PLK4: variants seen among roughly 807,000 people sequenced by gnomAD.
PLK4 encodes polo like kinase 4.
PLK4 carries 51 observed loss-of-function variants against 103.0 expected under a neutral mutation model. The observed-to-expected ratio is 0.50, with a 90% CI of 0.40 to 0.63. The LOEUF is 0.63. PLK4 is among the 20% of genes least tolerant of loss of function. PLK4 has a pLI of 0.00. For missense variants in PLK4, 1,054 were observed against 1,151.0 expected (o/e 0.92, Z 1.22); for synonymous variants, 389 against 376.8 (o/e 1.03, Z -0.38).
In PLK4 at chr4:127,890,221, A is replaced by G. The variant is rs770830135; in HGVS notation, c.1815A>G (p.Lys605=). Residue 605 remains lysine (K), a synonymous_variant, in exon 7 of 16, where the codon AAA becomes AAG. Transcript: ENST00000270861. ...ACAGGTTAAAACCAATCAGACAGAA[A>G]ACCAAAAAGGCTGTGGTATGTCTGT... The part of the protein sequence containing the change: ...VAHRLKPIRQ[K]TKKAVVSILD... 6.3e-7 allele frequency: 1 copy of G among 1,599,402 alleles called. No individual in the cohort carries two copies. The highest frequency in any genetic ancestry group is 1.1e-5 in the South Asian group (1 of 89,432).
chr4:127,891,652 TC>T lies in PLK4; in HGVS notation c.2010del (p.Ser671ValfsTer26). On this transcript the variant is annotated frameshift_variant, in exon 9 of 16. Transcript: ENST00000270861. LOFTEE classifies it high-confidence loss of function. ...AGACCACCCTCACCTACTGACAACA[TC>T]AGTAGGTACAGCTTTGACAATTTAC... Reference protein sequence around the residue: ...ADRPPSPTDNISRYSFDNLPE... With the variant: ...ADRPPSPTDNXSRYSFDNLPE... The T allele has an allele frequency of 1.3e-6, 2 of 1,532,168 alleles. No individual in the cohort carries two copies. The highest frequency in any genetic ancestry group is 1.8e-6 in the Non-Finnish European group (2 of 1,128,540). 94.9% of individuals were successfully genotyped at this position (1,532,168 alleles called of 1,614,324 possible).
Position 127,887,416 on chromosome 4 carries a change from GA to G in PLK4, c.1384del (p.Thr462LeufsTer24). ...TTTAGCTCCAATCATCTTTGTCCAG[GA>G]AAAACTCCTTTTCCATTTGCAGACC... is the stretch of plus-strand genomic sequence containing the variant. ...NQALSNHLCP[G>X]KTPFPFADPT... On this transcript the variant is annotated frameshift_variant, in exon 6 of 16. Transcript: ENST00000270861. LOFTEE classifies it high-confidence loss of function. 1.2e-6 allele frequency: 2 copies of G among 1,609,404 alleles called. No individual in the cohort carries two copies. Among genetic ancestry groups the G allele is most frequent in the South Asian group, 1.1e-5 (1 of 90,564 alleles).
At chr4:127,897,322 AC>A (rs1344712784) in intron 15 of PLK4, among the ~76,000 whole-genome samples, 1 of 152,200 alleles carries the variant, frequency 6.6e-6, no homozygotes. Context: ...ATCTAATGTA[AC>A]GTGATTAATG....
intron 15 of PLK4, 90 bp from the exon 16 acceptor site, chr4:127,898,349 T>C: frequency 1.5e-6 from 1 of 663,702 alleles, no homozygotes; most frequent in Non-Finnish European, 2.7e-6. Flanking sequence ...ATTGAAGAAT[T>C]ACTGAAAAAT....
intron 2 of PLK4, among the ~76,000 whole-genome samples, chr4:127,882,454 A>C (rs1734966252): frequency 6.6e-6 from 1 of 152,046 alleles, no homozygotes. Context: ...CCTCCTCTCT[A>C]CCAAAAATAC....
chr4:127,895,452 C>CTTTTTTTTTTTTTTTTTTTTT lies in PLK4; in HGVS notation c.2703+367_2703+387dup, dbSNP rs70966059. 4.6e-5 allele frequency among the ~76,000 whole-genome samples: 3 copies of CTTTTTTTTTTTTTTTTTTTTT among 65,204 alleles called. 1 individual carries two copies. The highest frequency in any genetic ancestry group is 2.0e-4 in the African/African-American group (3 of 15,062). The allele number at this position is 65,204 out of a possible 152,430, so 42.8% of individuals were successfully genotyped here. On this transcript the variant is annotated intron_variant, in intron 14 of 15. Transcript: ENST00000270861. ...TAATCAATATTAGTAGAGTAACTTTCTTTTTTTTTTTTTTTTTTTTTTTTT... is the reference window on the plus strand; with the variant it reads ...TAATCAATATTAGTAGAGTAACTTTCTTTTTTTTTTTTTTTTTTTTTTTTTTTTTTTTTTTTTTTTTTTTTT...
intron 4 of PLK4, 69 bp from the exon 5 acceptor site, chr4:127,885,639 A>G: frequency 1.7e-6 from 2 of 1,200,002 alleles, no homozygotes; most frequent in Non-Finnish European, 2.4e-6. Context: ...CATAATGTAT[A>G]CTAAATACTA....
Position 127,891,100 on chromosome 4 carries a change from A to G in PLK4, c.1839A>G (p.Ile613Met). 1.3e-6 allele frequency: 2 copies of G among 1,555,268 alleles called. No homozygotes were observed. Among genetic ancestry groups the G allele is most frequent in the South Asian group, 1.2e-5 (1 of 82,736 alleles). The change falls in exon 8 of 16, where the codon ATA becomes ATG. Residue 613 changes from isoleucine (I) to methionine (M), a missense_variant. Around this residue, in one of 4 missense-constraint regions of PLK4, gnomAD observed 680 missense variants for 660.3 expected, o/e 1.03. Transcript: ENST00000270861. The part of the protein sequence containing the change: ...RQKTKKAVVS[I>M]LDSEEVCVEL... ...GTTTTTTTTTTTTTTAGGTGAGCAT[A>G]CTTGATTCAGAGGAGGTGTGTGTGG...
intron 14 of PLK4, among the ~76,000 whole-genome samples, chr4:127,896,442 T>G (rs975351733): frequency 6.6e-6 from 1 of 152,134 alleles, no homozygotes; most frequent in African/African-American, 2.4e-5. Context: ...AATCTCTTCT[T>G]GTTAAGAAAT....
intron 15 of PLK4, 74 bp from the exon 16 acceptor site, chr4:127,898,365 G>A (rs1028218253): frequency 5.6e-6 from 4 of 712,822 alleles, no homozygotes; most frequent in Non-Finnish European, 1.0e-5. Flanking sequence ...AAAATATAAT[G>A]TGCTTTTTGG....
chr4:127,885,478 CAAAAAAAAAAAA>C (rs397878802), intron 4 of PLK4, among the ~76,000 whole-genome samples: 2 of 49,808 alleles, frequency 4.0e-5, no homozygotes, highest in East Asian at 4.9e-4. Flanking sequence ...GACTCCGTCT[CAAAAAAAAAAAA>C]AAAAAAAAAG....
intron 9 of PLK4, 48 bp downstream of exon 9, chr4:127,891,729 A>G (rs1010181109): frequency 1.5e-6 from 1 of 661,838 alleles, no homozygotes; most frequent in Non-Finnish European, 2.5e-6. Context: ...ATTTATATGT[A>G]TATACGTATA....
chr4:127,895,298 A>G (rs2148824409), intron 14 of PLK4, among the ~76,000 whole-genome samples: 1 of 152,228 alleles, frequency 6.6e-6, no homozygotes, highest in Admixed American at 6.5e-5. Context: ...CATTGCTGAT[A>G]AGAGGTTGCC....
rs770317332 is a variant in PLK4 at position 127,887,386 on chromosome 4, G to GT, written c.1359-7dup. On this transcript the variant is annotated splice_polypyrimidine_tract_variant and intron_variant, in intron 5 of 15. Transcript: ENST00000270861. ...ATTAGTTTATGGGATTTTTTTGTTTGTTTGTTTAGCTCCAATCATCTTTGT... is the reference window on the plus strand; with the variant it reads ...ATTAGTTTATGGGATTTTTTTGTTTGTTTTGTTTAGCTCCAATCATCTTTGT... 9.1e-6 allele frequency: 14 copies of GT among 1,544,498 alleles called. No homozygotes were observed. Among genetic ancestry groups the GT allele is most frequent in the Non-Finnish European group, 1.2e-5 (13 of 1,128,556 alleles).
chr4:127,890,250 C>T lies in PLK4; in HGVS notation c.1830+14C>T. Reference sequence around the variant, plus strand: ...AAAAAGGCTGTGGTATGTCTGTTATCTTCTTAAGTTACTAAATAACATTTT... The same window carrying T: ...AAAAAGGCTGTGGTATGTCTGTTATTTTCTTAAGTTACTAAATAACATTTT... On this transcript the variant is annotated intron_variant, in intron 7 of 15. Coordinates refer to ENST00000270861, the MANE Select transcript of PLK4 (RefSeq NM_014264.5). The T allele has an allele frequency of 6.4e-7, 1 of 1,559,038 alleles. No individual in the cohort carries two copies. Among genetic ancestry groups the T allele is most frequent in the Non-Finnish European group, 8.7e-7 (1 of 1,153,522 alleles).
intron 6 of PLK4, among the ~76,000 whole-genome samples, chr4:127,888,223 T>G: frequency 8.2e-6 from 1 of 122,660 alleles, no homozygotes; most frequent in African/African-American, 2.9e-5. Flanking sequence ...GCATTTTCAG[T>G]ACGTCTCAAT....
intron 12 of PLK4, 33 bp from the exon 13 acceptor site, chr4:127,893,701 T>C: frequency 6.3e-7 from 1 of 1,599,212 alleles, no homozygotes; most frequent in Non-Finnish European, 8.5e-7. Context: ...ATTGAAAGCT[T>C]CAAGGGAATA....
intron 13 of PLK4, among the ~76,000 whole-genome samples, 189 bp downstream of exon 13, chr4:127,894,070 AG>A (rs1014110509): frequency 6.6e-6 from 1 of 152,188 alleles, no homozygotes; most frequent in African/African-American, 2.4e-5. Flanking sequence ...AACAAGTCAA[AG>A]GGCCTTTTCA....
intron 6 of PLK4, among the ~76,000 whole-genome samples, chr4:127,887,871 CAAAAAAAAAAA>C (rs34675793): frequency 2.5e-5 from 1 of 40,404 alleles, no homozygotes; most frequent in South Asian, 9.5e-4. Flanking sequence ...GAGACCCTGT[CAAAAAAAAAAA>C]AAAAAAAAAA....
Sources: gnomAD v4.1 joint callset for allele counts (sites outside exome capture counted in the v4.1 genomes callset) on GRCh38, gnomAD v4.1.1 for gene constraint, gnomAD v4.1.1 regional missense constraint, MANE v1.5 for transcripts, NCBI Gene and HGNC (gene_info 2026-07-23, HGNC 2026-07-21) for gene names.